Variants in TTLL12 observed in about 807,000 individuals in gnomAD.
TTLL12 encodes tubulin--tyrosine ligase-like protein 12.
Under a neutral mutation model 79.6 loss-of-function variants are expected in TTLL12, and 77 were observed. The observed-to-expected ratio is 0.97, with a 90% CI of 0.81 to 1.17. The LOEUF (loss-of-function observed/expected upper bound fraction) is 1.17, where lower values mean the gene tolerates loss of function less well. Ranked by LOEUF, TTLL12 falls within the 50% of genes most tolerant of loss-of-function variation. TTLL12 has a pLI of 0.00. For synonymous variants in TTLL12, 437 were observed against 376.1 expected (o/e 1.16, Z -1.87); for missense variants, 969 against 895.9 (o/e 1.08, Z -1.04).
At chr22:43,172,292 G>T in intron 10 of TTLL12, 111 bp downstream of exon 10, 1 of 1,340,980 alleles carries the variant, frequency 7.5e-7, no homozygotes, top group Non-Finnish European at 1.0e-6. Context: ...GAGTGATGGA[G>T]GGTGCCTTCC....
At position 43,168,841 on chromosome 22, in the gene TTLL12, G is replaced by A. The variant is rs781032496; in HGVS notation, c.1716C>T (p.Cys572=). The stretch of plus-strand genomic sequence containing the variant: ...ACATGGCCCGGGATGAGGGGTAGTC[G>A]CAGAGGCCCAGGGGTGGTGGCTTGG... The part of the protein sequence containing the change: ...ACAKPPPLGL[C]DYPSSRAMYA... Residue 572 remains cysteine (C), a synonymous_variant, in exon 13 of 14, where the codon TGC becomes TGT. Transcript: ENST00000216129. The A allele has an allele frequency of 1.9e-5, 31 of 1,603,026 alleles. No individual in the cohort carries two copies. Among genetic ancestry groups the A allele is most frequent in the African/African-American group, 4.0e-5 (3 of 74,728 alleles).
At chr22:43,174,471 G>C (rs938620292) in intron 7 of TTLL12, 28 bp downstream of exon 7, 2 of 1,584,850 alleles carry the variant, frequency 1.3e-6, no homozygotes, top group Non-Finnish European at 1.7e-6. Flanking sequence ...CTGACTGGGA[G>C]GGCCCCTGCG....
intron 11 of TTLL12, 23 bp downstream of exon 11, chr22:43,171,796 T>C (rs772198370): frequency 6.2e-7 from 1 of 1,610,534 alleles, no homozygotes; most frequent in South Asian, 1.1e-5. Context: ...GTGAACCTGC[T>C]CTGCACCTCC....
chr22:43,179,784 G>A (rs1337796772), intron 4 of TTLL12, 32 bp from the exon 5 acceptor site: 2 of 1,550,108 alleles, frequency 1.3e-6, no homozygotes, highest in Non-Finnish European at 1.7e-6. Context: ...CATCAGAGGG[G>A]GTGACGGGAC....
In TTLL12 at chr22:43,170,820, A is replaced by G. The variant is rs535214810; in HGVS notation, c.1575+999T>C. On this transcript the variant is annotated intron_variant, in intron 11 of 13. Coordinates refer to ENST00000216129, the MANE Select transcript of TTLL12 (RefSeq NM_015140.4). ...CCCAGCTACTTTAGGGGGCTGAGGC[A>G]GAAGGATGGCTTGGGCCCAGGAGAT... Among the ~76,000 whole-genome samples the G allele has an allele frequency of 5.7e-4, 87 of 152,362 alleles. 1 individual carries two copies. Among genetic ancestry groups the G allele is most frequent in the African/African-American group, 2.0e-3 (85 of 41,588 alleles).
At chr22:43,169,665 G>C in intron 11 of TTLL12, 97 bp from the exon 12 acceptor site, 1 of 1,351,928 alleles carries the variant, frequency 7.4e-7, no homozygotes, top group Non-Finnish European at 1.0e-6. Flanking sequence ...TTCTGACACT[G>C]GGTGGGGGTT....
intron 6 of TTLL12, among the ~76,000 whole-genome samples, chr22:43,175,996 G>C (rs1251589281): frequency 6.6e-6 from 1 of 151,386 alleles, no homozygotes; most frequent in Non-Finnish European, 1.5e-5. Context: ...CCTCATAGGT[G>C]AGGTGTGAAA....
chr22:43,172,510 T>C lies in TTLL12; in HGVS notation c.1386A>G (p.Glu462=). 2 of 1,614,070 alleles carry C rather than the reference T, an allele frequency of 1.2e-6. No homozygotes were observed. The highest frequency in any genetic ancestry group is 1.3e-5 in the African/African-American group (1 of 74,986). Reference sequence around the variant, plus strand: ...TGTCGAACTTGACCTTTCCCACGTCTTCTCGAAGGAACAACACGGGACTTT... The same window carrying C: ...TGTCGAACTTGACCTTTCCCACGTCCTCTCGAAGGAACAACACGGGACTTT... ...YIESPVLFLR[E]DVGKVKFDIR... The change falls in exon 10 of 14, where the codon GAA becomes GAG. Residue 462 remains glutamate, a synonymous_variant. Coordinates refer to ENST00000216129, the MANE Select transcript of TTLL12 (RefSeq NM_015140.4).
intron 1 of TTLL12, among the ~76,000 whole-genome samples, chr22:43,183,702 T>C (rs138952): frequency 0.71 from 108,061 of 152,158 alleles, 38,840 homozygotes; most frequent in Non-Finnish European, 0.75. Context: ...CAAGGTGGGA[T>C]GGGGAGATAA....
intron 5 of TTLL12, among the ~76,000 whole-genome samples, chr22:43,178,374 T>G (rs13055389): frequency 0.071 from 10,584 of 150,056 alleles, 517 homozygotes; most frequent in Non-Finnish European, 0.11. Flanking sequence ...CAGGCTGGAG[T>G]GCAGTGGCGC....
At chr22:43,171,005 A>C (rs1324056629) in intron 11 of TTLL12, among the ~76,000 whole-genome samples, 1 of 152,170 alleles carries the variant, frequency 6.6e-6, no homozygotes, top group Non-Finnish European at 1.5e-5. Context: ...AACCAAAGAC[A>C]TGCCTGGGAA....
At chr22:43,180,209 C>T (rs1932020024) in intron 3 of TTLL12, among the ~76,000 whole-genome samples, 1 of 152,150 alleles carries the variant, frequency 6.6e-6, no homozygotes, top group Non-Finnish European at 1.5e-5. Context: ...GGTAACACAG[C>T]GTGAACACTC....
intron 6 of TTLL12, among the ~76,000 whole-genome samples, chr22:43,176,084 CAAA>C (rs1202781950): frequency 7.2e-6 from 1 of 138,948 alleles, no homozygotes; most frequent in African/African-American, 2.6e-5. Context: ...GACTCTGTCT[CAAA>C]AAAAAAAAAA....
At chr22:43,186,372 TTTC>T (rs992447903) in intron 1 of TTLL12, among the ~76,000 whole-genome samples, 5 of 152,200 alleles carry the variant, frequency 3.3e-5, no homozygotes, top group African/African-American at 4.8e-5. Context: ...CTTTTCCATT[TTTC>T]TTTAGATTTC....
At chr22:43,169,162 C>A (rs1179030387) in intron 12 of TTLL12, among the ~76,000 whole-genome samples, 1 of 152,224 alleles carries the variant, frequency 6.6e-6, no homozygotes, top group Non-Finnish European at 1.5e-5. Context: ...AGGAGCTCAA[C>A]ACAGCACCCA....
chr22:43,169,827 G>T (rs540964691), intron 11 of TTLL12: 3 of 571,508 alleles, frequency 5.2e-6, no homozygotes, highest in South Asian at 1.5e-5. Context: ...AATGTGCTCT[G>T]CCCAGTAAAC....
chr22:43,176,916 T>C (rs192133100), intron 5 of TTLL12, among the ~76,000 whole-genome samples: 1 of 151,664 alleles, frequency 6.6e-6, no homozygotes, highest in Admixed American at 6.6e-5. Context: ...ACAGTCCTAG[T>C]TTGGTGTCAA....
At position 43,174,287 on chromosome 22, in the gene TTLL12, G is replaced by A; in HGVS notation, c.1151C>T (p.Pro384Leu). Residue 384 changes from proline (P) to leucine (L), a missense_variant, in exon 8 of 14, where the codon CCA becomes CTA. Transcript: ENST00000216129. Reference sequence around the variant, plus strand: ...GTTGAAGGTTCGGGGCAGCCAGGGTGGGCCCTCGGGGCCACCTGCCCGGCG... The same window carrying A: ...GTTGAAGGTTCGGGGCAGCCAGGGTAGGCCCTCGGGGCCACCTGCCCGGCG... ...IARRAGGPEG[P>L]PWLPRTFNLR... The A allele has an allele frequency of 2.5e-6, 4 of 1,610,998 alleles. No homozygotes were observed. Among genetic ancestry groups the A allele is most frequent in the Non-Finnish European group, 3.4e-6 (4 of 1,179,536 alleles).
chr22:43,184,765 C>G (rs1932138750), intron 1 of TTLL12, among the ~76,000 whole-genome samples: 1 of 152,176 alleles, frequency 6.6e-6, no homozygotes, highest in African/African-American at 2.4e-5. Flanking sequence ...GGCTGAGGGT[C>G]AGAGAGCCTG....
Sources: gnomAD v4.1 joint callset for allele counts (sites outside exome capture counted in the v4.1 genomes callset) on GRCh38, gnomAD v4.1.1 for gene constraint, MANE v1.5 for transcripts, NCBI Gene and HGNC (gene_info 2026-07-23, HGNC 2026-07-21) for gene names.